Variants in NFIA observed in about 807,000 individuals in gnomAD.
NFIA encodes the protein nuclear factor 1 A-type.
Under a neutral mutation model 62.8 loss-of-function variants are expected in NFIA, and 8 were observed. That is an observed-to-expected ratio of 0.13 (90% CI 0.07 to 0.23). The LOEUF is 0.23. Ranked by LOEUF, NFIA falls within the 10% of genes least tolerant of loss-of-function variation. The pLI, the probability that NFIA is intolerant of heterozygous loss-of-function variation, is 1.00. For missense variants in NFIA, 410 were observed against 642.1 expected, an observed-to-expected ratio of 0.64 and a Z score of 3.91; for synonymous variants, 235 against 238.1, an observed-to-expected ratio of 0.99 and a Z score of 0.12.
chr1:61,373,738 T>G (rs1252053901), intron 6 of NFIA, among the ~76,000 whole-genome samples: 2 of 152,090 alleles, frequency 1.3e-5, no homozygotes, highest in Non-Finnish European at 2.9e-5. Flanking sequence ...GAGGAAAAGC[T>G]TTCATTTTTT....
At chr1:61,438,011 T>C (rs1249186110) in intron 10 of NFIA, among the ~76,000 whole-genome samples, 1 of 152,196 alleles carries the variant, frequency 6.6e-6, no homozygotes, top group African/African-American at 2.4e-5. Flanking sequence ...TCTCTATATG[T>C]GAAGAAACCT....
At chr1:61,347,670 C>G (rs1662314432) in intron 4 of NFIA, among the ~76,000 whole-genome samples, 1 of 152,132 alleles carries the variant, frequency 6.6e-6, no homozygotes, top group Non-Finnish European at 1.5e-5. Context: ...CTAGCACATT[C>G]TTTGCATTTT....
rs183933952 is a variant in NFIA at position 61,222,654 on chromosome 1, A to G, written c.560-54866A>G. Reference sequence around the variant, plus strand: ...AAGCTAGATTCTGTTTTGCTAAAGTATAGGTAAAACACTGTTATGCTGAAA... The same window carrying G: ...AAGCTAGATTCTGTTTTGCTAAAGTGTAGGTAAAACACTGTTATGCTGAAA... On this transcript the variant is annotated intron_variant, in intron 2 of 10. Coordinates refer to ENST00000403491, the MANE Select transcript of NFIA (RefSeq NM_001134673.4). Among the ~76,000 whole-genome samples the G allele has an allele frequency of 1.4e-3, 219 of 152,232 alleles. 1 individual carries two copies. Among genetic ancestry groups the G allele is most frequent in the Admixed American group, 3.0e-3 (46 of 15,290 alleles).
intron 4 of NFIA, among the ~76,000 whole-genome samples, chr1:61,342,514 A>C (rs1661977948): frequency 6.6e-6 from 1 of 152,178 alleles, no homozygotes; most frequent in Non-Finnish European, 1.5e-5. Context: ...TTCAGCCCCC[A>C]AAGCAGAAGG....
intron 2 of NFIA, among the ~76,000 whole-genome samples, chr1:61,197,125 C>T (rs1344017523): frequency 6.6e-6 from 1 of 151,974 alleles, no homozygotes; most frequent in Admixed American, 6.6e-5. Context: ...AGTTTGGACC[C>T]CATATTTATA....
At chr1:61,290,919 A>G (rs1658841087) in intron 3 of NFIA, among the ~76,000 whole-genome samples, 1 of 152,144 alleles carries the variant, frequency 6.6e-6, no homozygotes, top group African/African-American at 2.4e-5. Flanking sequence ...TCTTATACTT[A>G]CAGAGACTCT....
chr1:61,261,423 G>C (rs1452837527), intron 2 of NFIA, among the ~76,000 whole-genome samples: 1 of 152,136 alleles, frequency 6.6e-6, no homozygotes, highest in African/African-American at 2.4e-5. Context: ...TATAAAAGAG[G>C]CTGTGTGTTA....
chr1:61,458,381 T>G lies in NFIA; in HGVS notation c.*3061T>G, dbSNP rs538272803. ...AAACAAAACAAACTAAGCAATAGTT[T>G]GGGCAGTTTTAGTTGTTTTTAGTGA... On this transcript the variant is annotated 3_prime_UTR_variant, in exon 11 of 11. Transcript: ENST00000403491. 6 of 152,314 alleles carry G rather than the reference T, an allele frequency of 3.9e-5. No homozygotes were observed. The highest frequency in any genetic ancestry group is 1.4e-4 in the African/African-American group (6 of 41,578). The allele number at this position is 152,314 out of a possible 1,614,324, so 9.4% of individuals were successfully genotyped here.
intron 3 of NFIA, among the ~76,000 whole-genome samples, chr1:61,303,279 A>G (rs1436811524): frequency 1.3e-5 from 2 of 152,372 alleles, no homozygotes; most frequent in Non-Finnish European, 2.9e-5. Flanking sequence ...ATACCTTGGT[A>G]GTTGCACAGG....
At chr1:61,352,982 T>C (rs1456372811) in intron 5 of NFIA, among the ~76,000 whole-genome samples, 2 of 151,946 alleles carry the variant, frequency 1.3e-5, no homozygotes, top group Non-Finnish European at 2.9e-5. Context: ...ATGATGAACA[T>C]AACATGTTCT....
chr1:61,105,637 C>T (rs1557568750), intron 2 of NFIA, among the ~76,000 whole-genome samples: 1 of 151,760 alleles, frequency 6.6e-6, no homozygotes, highest in Admixed American at 6.6e-5. Flanking sequence ...TAGAGAGTAA[C>T]TTTATATCAG....
intron 3 of NFIA, among the ~76,000 whole-genome samples, chr1:61,328,784 G>A (rs1302659813): frequency 4.2e-5 from 6 of 141,782 alleles, no homozygotes; most frequent in African/African-American, 5.4e-5. Flanking sequence ...GTGCAGTGGC[G>A]CAATCTCAGC....
At chr1:61,325,483 T>G (rs1034598789) in intron 3 of NFIA, among the ~76,000 whole-genome samples, 2 of 152,226 alleles carry the variant, frequency 1.3e-5, no homozygotes, top group African/African-American at 2.4e-5. Context: ...TTCCAAGCAA[T>G]TGGTAAAGGA....
chr1:61,096,547 CTTTTTTT>C (rs369305204), intron 2 of NFIA, among the ~76,000 whole-genome samples: 2 of 80,594 alleles, frequency 2.5e-5, no homozygotes, highest in East Asian at 5.0e-4. Flanking sequence ...AAGATTAGTT[CTTTTTTT>C]TTTTTTTTTT....
chr1:61,410,492 T>C (rs933145514), intron 9 of NFIA, among the ~76,000 whole-genome samples: 2 of 152,220 alleles, frequency 1.3e-5, no homozygotes, highest in African/African-American at 4.8e-5. Flanking sequence ...GTGCTCAGCA[T>C]CCCAACAGTT....
intron 2 of NFIA, among the ~76,000 whole-genome samples, chr1:61,266,365 C>A (rs370444642): frequency 9.4e-4 from 142 of 150,336 alleles, no homozygotes; most frequent in African/African-American, 3.0e-3. Flanking sequence ...TTCTTTCTTT[C>A]TTTATTTTTT....
chr1:61,200,433 A>T (rs534471761), intron 2 of NFIA, among the ~76,000 whole-genome samples: 18 of 152,300 alleles, frequency 1.2e-4, no homozygotes, highest in Admixed American at 2.0e-4. Flanking sequence ...AAATTAAGGA[A>T]GATTAATTGA....
At chr1:61,451,418 G>T (rs1460259691) in intron 10 of NFIA, among the ~76,000 whole-genome samples, 8 of 152,148 alleles carry the variant, frequency 5.3e-5, no homozygotes, top group Admixed American at 5.2e-4. Flanking sequence ...TAAATCCTTA[G>T]TCAGCACTTT....
intron 2 of NFIA, among the ~76,000 whole-genome samples, chr1:61,207,409 C>CT (rs1042039649): frequency 2.0e-5 from 3 of 152,062 alleles, no homozygotes; most frequent in African/African-American, 4.8e-5. Flanking sequence ...ATCTTTCTTC[C>CT]TTTTTTTATT....
Sources: gnomAD v4.1 joint callset for allele counts (sites outside exome capture counted in the v4.1 genomes callset) on GRCh38, gnomAD v4.1.1 for gene constraint, MANE v1.5 for transcripts, NCBI Gene and HGNC (gene_info 2026-07-23, HGNC 2026-07-21) for gene names.